Variants in SYN3 observed in about 807,000 individuals in gnomAD.
The protein encoded by SYN3 is synapsin-3.
SYN3 carries 35 observed loss-of-function variants against 65.8 expected under a neutral mutation model. The observed-to-expected ratio is 0.53, with a 90% confidence interval of 0.41 to 0.70. The LOEUF (loss-of-function observed/expected upper bound fraction) is 0.70. SYN3 is among the 30% of genes least tolerant of loss of function. The pLI, the probability that SYN3 is intolerant of heterozygous loss-of-function variation, is 0.00. For missense variants in SYN3, 680 were observed against 749.0 expected (o/e 0.91, Z 1.08); for synonymous variants, 270 against 292.9 (o/e 0.92, Z 0.80).
chr22:33,015,446 T>C, intron 1 of SYN3: 1 of 268,932 alleles, frequency 3.7e-6, no homozygotes, highest in South Asian at 5.3e-5. Flanking sequence ...GTTATTCAGA[T>C]ATCAACAAAA....
At chr22:32,639,614 T>C (rs2059867606) in intron 6 of SYN3, among the ~76,000 whole-genome samples, 1 of 151,398 alleles carries the variant, frequency 6.6e-6, no homozygotes, top group African/African-American at 2.4e-5. Context: ...AGTGGTGCTA[T>C]CATAGCTCAC....
intron 6 of SYN3, among the ~76,000 whole-genome samples, chr22:32,853,656 G>A (rs1381079886): frequency 6.6e-6 from 1 of 152,202 alleles, no homozygotes; most frequent in Non-Finnish European, 1.5e-5. Flanking sequence ...TTCTAAACCA[G>A]CTTTAACTAC....
At chr22:32,948,629 C>T (rs942822905) in intron 3 of SYN3, among the ~76,000 whole-genome samples, 8 of 151,804 alleles carry the variant, frequency 5.3e-5, no homozygotes, top group African/African-American at 2.4e-5. Context: ...CTCAGCTACT[C>T]GGGAGGCTGA....
At chr22:32,626,420 C>T (rs935516000) in intron 6 of SYN3, among the ~76,000 whole-genome samples, 19 of 152,242 alleles carry the variant, frequency 1.2e-4, no homozygotes, top group East Asian at 3.9e-4. Context: ...GGGCTCTGAT[C>T]GTCCTGGTAG....
Position 32,509,284 on chromosome 22 carries a change from C to G in SYN3, c.*4408G>C, listed in dbSNP as rs773166270. ...GGTCTTTGTTGTGTTTCAGCTTCCCCGAGTCAGCTTGGAGGGAAAATGCTA... is the reference window on the plus strand; with the variant it reads ...GGTCTTTGTTGTGTTTCAGCTTCCCGGAGTCAGCTTGGAGGGAAAATGCTA... On this transcript the variant is annotated 3_prime_UTR_variant, in exon 14 of 14. Transcript: ENST00000358763. 6.6e-6 allele frequency among the ~76,000 whole-genome samples: 1 copy of G among 152,100 alleles called. No individual in the cohort carries two copies. Among genetic ancestry groups the G allele is most frequent in the Non-Finnish European group, 1.5e-5 (1 of 68,028 alleles).
intron 4 of SYN3, among the ~76,000 whole-genome samples, chr22:32,911,353 A>G (rs576260279): frequency 1.2e-4 from 18 of 152,334 alleles, no homozygotes; most frequent in Middle Eastern, 3.4e-3. Flanking sequence ...GTAAGCAGAC[A>G]TCAGGCTGAT....
chr22:32,810,980 G>T (rs549552972), intron 6 of SYN3, among the ~76,000 whole-genome samples: 1 of 152,112 alleles, frequency 6.6e-6, no homozygotes, highest in African/African-American at 2.4e-5. Context: ...CTAAAATGGG[G>T]GGAAATATAT....
At position 32,782,549 on chromosome 22, in the gene SYN3, G is replaced by A. The variant is rs141811530; in HGVS notation, c.711+82366C>T. ...TTTTTTTTTTTTGAGACAGAGTCTC[G>A]TACTGTCTCCTGGGCTGGAGTGCAA... On this transcript the variant is annotated intron_variant, in intron 6 of 13. Transcript: ENST00000358763. Among the ~76,000 whole-genome samples, 1,241 of 131,520 alleles carry A rather than the reference G, an allele frequency of 9.4e-3. 16 individuals carry two copies. The highest frequency in any genetic ancestry group is 0.034 in the African/African-American group (1,163 of 34,274). The allele number at this position is 131,520 out of a possible 152,430, so 86.3% of individuals were successfully genotyped here.
intron 3 of SYN3, among the ~76,000 whole-genome samples, chr22:32,939,489 C>T (rs562435709): frequency 2.0e-5 from 3 of 152,172 alleles, no homozygotes; most frequent in East Asian, 1.9e-4. Context: ...TTTCTAGAAC[C>T]CCTGAATCCT....
chr22:32,763,146 TTG>T (rs2045530037), intron 6 of SYN3, among the ~76,000 whole-genome samples: 3 of 9,124 alleles, frequency 3.3e-4, no homozygotes, highest in African/African-American at 3.4e-3. Context: ...CTATTTTTTG[TTG>T]TTGTTGTTTT....
At chr22:32,590,552 C>G (rs2059114198) in intron 7 of SYN3, among the ~76,000 whole-genome samples, 1 of 152,200 alleles carries the variant, frequency 6.6e-6, no homozygotes, top group East Asian at 1.9e-4. Context: ...TAAAATAACT[C>G]CTGTGCGATC....
At chr22:32,529,575 A>T (rs562046468) in intron 10 of SYN3, among the ~76,000 whole-genome samples, 47 of 152,324 alleles carry the variant, frequency 3.1e-4, no homozygotes, top group African/African-American at 1.1e-3. Context: ...AAGTGCTTCT[A>T]TCGGGAGGAA....
At chr22:32,674,746 C>T (rs1014386439) in intron 6 of SYN3, among the ~76,000 whole-genome samples, 4 of 152,256 alleles carry the variant, frequency 2.6e-5, no homozygotes, top group South Asian at 2.1e-4. Flanking sequence ...GTAAAGTACA[C>T]GCCCTAGATG....
chr22:32,594,676 C>T (rs1454861077), intron 7 of SYN3, among the ~76,000 whole-genome samples: 3 of 152,044 alleles, frequency 2.0e-5, no homozygotes, highest in South Asian at 2.1e-4. Flanking sequence ...TTAGTAGAGA[C>T]GGGGTTTCTC....
chr22:32,682,977 G>A (rs2060543381), intron 6 of SYN3, among the ~76,000 whole-genome samples: 1 of 152,304 alleles, frequency 6.6e-6, no homozygotes, highest in Admixed American at 6.5e-5. Flanking sequence ...CCAGGCACCT[G>A]TGGCCACTTT....
At chr22:32,628,610 T>C (rs7291390) in intron 6 of SYN3, among the ~76,000 whole-genome samples, 15,567 of 152,126 alleles carry the variant, frequency 0.1, 1,944 homozygotes, top group African/African-American at 0.3. Flanking sequence ...TGGCCGGGCG[T>C]GGTGGCTCAT....
chr22:32,582,561 G>T (rs1489770478), intron 7 of SYN3, among the ~76,000 whole-genome samples: 3 of 151,966 alleles, frequency 2.0e-5, no homozygotes, highest in African/African-American at 7.3e-5. Context: ...ACGGGCTGGG[G>T]GTGGGGGTGG....
At chr22:32,820,388 ACTC>A (rs2047213347) in intron 6 of SYN3, among the ~76,000 whole-genome samples, 1 of 146,224 alleles carries the variant, frequency 6.8e-6, no homozygotes, top group African/African-American at 2.6e-5. Flanking sequence ...GGTGTGTTCT[ACTC>A]CGTGTGTGTG....
At chr22:32,814,355 A>AAGGAAGAAAGAAAGAAAG (rs2047032198) in intron 6 of SYN3, among the ~76,000 whole-genome samples, 1 of 150,852 alleles carries the variant, frequency 6.6e-6, no homozygotes, top group African/African-American at 2.5e-5. Context: ...GAAAGAGAGA[A>AAGGAAGAAAGAAAGAAAG]AGAAAGAAAG....
Sources: allele counts gnomAD v4.1 joint callset (sites outside exome capture counted in the v4.1 genomes callset), GRCh38; gene constraint gnomAD v4.1.1; transcripts MANE v1.5; gene names NCBI Gene and HGNC (gene_info 2026-07-23, HGNC 2026-07-21).